The following FHIT variants were observed in gnomAD, a reference collection of about 807,000 sequenced individuals.
FHIT encodes the protein bis(5'-adenosyl)-triphosphatase.
FHIT carries 19 observed loss-of-function variants against 17.9 expected under a neutral mutation model. The observed-to-expected ratio is 1.06, with a 90% confidence interval of 0.74 to 1.56. The LOEUF is 1.56. Among genes scored for constraint, FHIT ranks in the 40% most tolerant of loss-of-function variants. The pLI, the probability that FHIT is intolerant of heterozygous loss-of-function variation, is 0.00. For synonymous variants in FHIT, 81 were observed against 69.7 expected (o/e 1.16, Z -0.81); for missense variants, 248 against 189.2 (o/e 1.31, Z -1.82).
chr3:60,561,632 C>G (rs2107644702), intron 4 of FHIT, among the ~76,000 whole-genome samples: 1 of 152,222 alleles, frequency 6.6e-6, no homozygotes, highest in Middle Eastern at 3.4e-3. Context: ...GAAAAGGCAA[C>G]TCAGTGACTG....
chr3:60,190,508 G>A (rs1226435693), intron 5 of FHIT, among the ~76,000 whole-genome samples: 1 of 152,132 alleles, frequency 6.6e-6, no homozygotes, highest in African/African-American at 2.4e-5. Context: ...CAGCACTTTA[G>A]GAGTCCAAAG....
intron 5 of FHIT, among the ~76,000 whole-genome samples, chr3:60,396,962 G>A (rs1444664031): frequency 2.0e-5 from 3 of 152,112 alleles, no homozygotes; most frequent in Non-Finnish European, 2.9e-5. Context: ...GATGTGGGAA[G>A]GGGCTTTATT....
In FHIT at chr3:60,154,627, A is replaced by G. The variant is rs561763212; in HGVS notation, c.104-140475T>C. 1.1e-4 allele frequency among the ~76,000 whole-genome samples: 16 copies of G among 152,336 alleles called. 1 individual carries two copies. The highest frequency in any genetic ancestry group is 3.6e-4 in the African/African-American group (15 of 41,586). ...ATAACCTGTGATGCCTCATTAATGC[A>G]AATATGCTCTTCGTGGTGCTAAACC... On this transcript the variant is annotated intron_variant, in intron 5 of 9. Transcript: ENST00000492590.
intron 5 of FHIT, among the ~76,000 whole-genome samples, chr3:60,326,279 C>T (rs1047594708): frequency 6.6e-6 from 1 of 152,060 alleles, no homozygotes; most frequent in Non-Finnish European, 1.5e-5. Flanking sequence ...AATGTAGAAT[C>T]AATGGGAGTC....
intron 3 of FHIT, among the ~76,000 whole-genome samples, chr3:61,011,440 G>A (rs1371037889): frequency 6.6e-6 from 1 of 152,046 alleles, no homozygotes; most frequent in Non-Finnish European, 1.5e-5. Context: ...ATGAATATCA[G>A]TTATTGAAAT....
At chr3:60,196,547 A>C (rs949513453) in intron 5 of FHIT, among the ~76,000 whole-genome samples, 2 of 152,082 alleles carry the variant, frequency 1.3e-5, no homozygotes, top group African/African-American at 2.4e-5. Context: ...TGGTCATGTA[A>C]GGTAACATTC....
At chr3:60,518,570 G>C (rs576071760) in intron 5 of FHIT, among the ~76,000 whole-genome samples, 5 of 152,294 alleles carry the variant, frequency 3.3e-5, no homozygotes, top group South Asian at 2.1e-4. Context: ...ATAGCAAGTA[G>C]TGATTCCAGT....
chr3:59,937,475 G>C (rs1706298667), intron 7 of FHIT, among the ~76,000 whole-genome samples: 1 of 152,148 alleles, frequency 6.6e-6, no homozygotes, highest in Admixed American at 6.6e-5. Context: ...CGTCAGGAGG[G>C]ACTCATTTTG....
In FHIT at chr3:60,237,640, G is replaced by T. The variant is rs150644945; in HGVS notation, c.104-223488C>A. ...ACAAGATTGTACTTGATTCCACAAA[G>T]CGCTCCACTGACCCCAAATTAAGAA... is the stretch of plus-strand genomic sequence containing the variant. On this transcript the variant is annotated intron_variant, in intron 5 of 9. Coordinates refer to ENST00000492590, the MANE Select transcript of FHIT (RefSeq NM_002012.4). 2.4e-3 allele frequency among the ~76,000 whole-genome samples: 370 copies of T among 152,242 alleles called. 2 individuals are homozygous for T. The highest frequency in any genetic ancestry group is 8.5e-3 in the African/African-American group (355 of 41,556).
chr3:60,169,439 T>C (rs553424476), intron 5 of FHIT, among the ~76,000 whole-genome samples: 55 of 152,338 alleles, frequency 3.6e-4, no homozygotes, highest in African/African-American at 1.3e-3. Context: ...CTTTGTTTCA[T>C]TGCATAGGGA....
At chr3:59,874,520 C>G (rs1703064888) in intron 8 of FHIT, among the ~76,000 whole-genome samples, 1 of 152,114 alleles carries the variant, frequency 6.6e-6, no homozygotes, top group Non-Finnish European at 1.5e-5. Context: ...GATGCTGATG[C>G]TGCTGGTCCA....
chr3:60,220,001 G>A (rs1576326828), intron 5 of FHIT, among the ~76,000 whole-genome samples: 2 of 152,210 alleles, frequency 1.3e-5, no homozygotes, highest in African/African-American at 4.8e-5. Context: ...AGTGGCTCAT[G>A]GACATCAGTC....
chr3:60,510,405 G>GAC (rs2034904401), intron 5 of FHIT, among the ~76,000 whole-genome samples: 1 of 152,090 alleles, frequency 6.6e-6, no homozygotes, highest in South Asian at 2.1e-4. Flanking sequence ...GGAATTTTAG[G>GAC]ACCCCCTAAG....
intron 1 of FHIT, among the ~76,000 whole-genome samples, chr3:61,209,509 T>G (rs1052945635): frequency 2.9e-5 from 4 of 136,460 alleles, no homozygotes; most frequent in Non-Finnish European, 6.3e-5. Flanking sequence ...GGAGGCTTTG[T>G]TTGTTTCTTT....
intron 7 of FHIT, among the ~76,000 whole-genome samples, chr3:59,987,319 C>A (rs1401464572): frequency 6.6e-6 from 1 of 151,702 alleles, no homozygotes; most frequent in Non-Finnish European, 1.5e-5. Flanking sequence ...ATGAGCTTGG[C>A]TGTGAACACG....
intron 1 of FHIT, among the ~76,000 whole-genome samples, chr3:61,237,204 T>G: frequency 6.6e-6 from 1 of 152,250 alleles, no homozygotes; most frequent in South Asian, 2.1e-4. Context: ...TTAAAAATGC[T>G]TTCAGTATTA....
intron 3 of FHIT, among the ~76,000 whole-genome samples, chr3:61,018,529 T>C (rs1359755105): frequency 6.6e-6 from 1 of 152,182 alleles, no homozygotes; most frequent in Non-Finnish European, 1.5e-5. Context: ...AAACTCTCTG[T>C]AGTTCTCAGA....
chr3:59,796,944 T>C (rs1041987659), intron 8 of FHIT, among the ~76,000 whole-genome samples: 25 of 152,198 alleles, frequency 1.6e-4, no homozygotes, highest in African/African-American at 6.0e-4. Flanking sequence ...TCTGGAAAAG[T>C]GAGATTTGAA....
intron 8 of FHIT, among the ~76,000 whole-genome samples, chr3:59,860,809 T>C (rs1022447263): frequency 2.0e-5 from 3 of 152,080 alleles, no homozygotes; most frequent in Admixed American, 2.0e-4. Flanking sequence ...AAAAAGAATA[T>C]TTACATTCCC....
Sources: gnomAD v4.1 joint callset for allele counts (sites outside exome capture counted in the v4.1 genomes callset) on GRCh38, gnomAD v4.1.1 for gene constraint, MANE v1.5 for transcripts, NCBI Gene and HGNC (gene_info 2026-07-23, HGNC 2026-07-21) for gene names.